QDPR: variants seen among roughly 807,000 people sequenced by gnomAD.
QDPR encodes dihydropteridine reductase.
In QDPR, 23 loss-of-function variants were observed where a neutral mutation model predicts 31.7. That is an observed-to-expected ratio of 0.73 (90% CI 0.52 to 1.03). QDPR has a LOEUF of 1.03. Among genes scored for constraint, QDPR ranks in the 50% least tolerant of loss-of-function variants. The pLI is 0.00. For synonymous variants in QDPR, 124 were observed against 124.7 expected (o/e 0.99, Z 0.03); for missense variants, 324 against 323.8 (o/e 1.00, Z 0.00).
At chr4:17,490,538 CAG>C in intron 6 of QDPR, 122 bp downstream of exon 6, 1 of 759,092 alleles carries the variant, frequency 1.3e-6, no homozygotes, top group Non-Finnish European at 2.3e-6. Context: ...CTCAGAGTCC[CAG>C]AGACCTCCCA....
intron 5 of QDPR, among the ~76,000 whole-genome samples, chr4:17,491,295 G>A (rs2108987079): frequency 6.6e-6 from 1 of 152,260 alleles, no homozygotes; most frequent in Middle Eastern, 3.4e-3. Flanking sequence ...AAACAGCTGT[G>A]GGAATCATGT....
Position 17,504,485 on chromosome 4 carries a change from A to C in QDPR, c.199-10T>G, listed in dbSNP as rs200393206. On this transcript the variant is annotated splice_polypyrimidine_tract_variant and intron_variant, in intron 2 of 6. Transcript: ENST00000281243. The stretch of plus-strand genomic sequence containing the variant: ...CAACCTCAGCAGTCACCTTCAACAC[A>C]AGAACAAAAAAATGTATAAACTGTA... The C allele has an allele frequency of 3.2e-5, 51 of 1,605,924 alleles. No individual in the cohort carries two copies. In the South Asian group the frequency reaches 4.4e-4, roughly 14 times the overall value.
Position 17,509,383 on chromosome 4 carries a change from T to C in QDPR, c.106-20A>G. 1 of 1,605,072 alleles carries C rather than the reference T, an allele frequency of 6.2e-7. No individual in the cohort carries two copies. The highest frequency in any genetic ancestry group is 1.3e-5 in the African/African-American group (1 of 74,772). ...AACCCACTGGAAGGAGAAAACAGCT[T>C]TGGTTAAGAGGCAGTGAGTTGTTAT... On this transcript the variant is annotated intron_variant, in intron 1 of 6. Transcript: ENST00000281243.
chr4:17,495,153 G>A (rs1454515602), intron 4 of QDPR, among the ~76,000 whole-genome samples: 1 of 152,192 alleles, frequency 6.6e-6, no homozygotes, highest in African/African-American at 2.4e-5. Flanking sequence ...CCCATCCGGG[G>A]CATTTCCTTC....
In QDPR at chr4:17,512,045, C is replaced by G. The variant is rs1255644701; in HGVS notation, c.10G>C (p.Ala4Pro). Residue 4 changes from alanine to proline, a missense_variant, in exon 1 of 7, where the codon GCG becomes CCG. Physicochemically the swap from Ala to Pro is conservative, Grantham distance 27. Transcript: ENST00000281243. ...CGGCGCGCCTCGCCTGCAGCCGCCGCCGCCGCCATCCTGCTCCTGCCAGCC... is the reference window on the plus strand; with the variant it reads ...CGGCGCGCCTCGCCTGCAGCCGCCGGCGCCGCCATCCTGCTCCTGCCAGCC... MAA[A>P]AAAGEARRVL... The G allele has an allele frequency of 6.2e-7, 1 of 1,601,650 alleles. No homozygotes were observed. Among genetic ancestry groups the G allele is most frequent in the East Asian group, 2.3e-5 (1 of 44,260 alleles).
chr4:17,490,743 AC>A lies in QDPR; in HGVS notation c.547del (p.Val183LeufsTer7). The A allele has an allele frequency of 6.2e-7, 1 of 1,613,024 alleles. No individual in the cohort carries two copies. The highest frequency in any genetic ancestry group is 1.1e-5 in the South Asian group (1 of 91,000). The stretch of plus-strand genomic sequence containing the variant: ...CCTGTTCATCGGGGTATCCAGGGTA[AC>A]CCTGCAATGGACACAGATAAGCACG... The part of the protein sequence containing the change: ...PGAAAIAVLP[V>X]TLDTPMNRKS... On this transcript the variant is annotated frameshift_variant and splice_region_variant, in exon 6 of 7. Coordinates refer to ENST00000281243, the MANE Select transcript of QDPR (RefSeq NM_000320.3). LOFTEE classifies it high-confidence loss of function.
intron 4 of QDPR, among the ~76,000 whole-genome samples, chr4:17,496,470 A>AAAAAAAAAAAAAAAAAAC (rs1718361645): frequency 7.1e-6 from 1 of 140,968 alleles, no homozygotes; most frequent in Non-Finnish European, 1.6e-5. Context: ...AAAAAAAAAA[A>AAAAAAAAAAAAAAAAAAC]AAGAACAAAC....
intron 2 of QDPR, among the ~76,000 whole-genome samples, chr4:17,506,560 G>C (rs1718794779): frequency 6.6e-6 from 1 of 152,184 alleles, no homozygotes; most frequent in Non-Finnish European, 1.5e-5. Context: ...CCTTTTATCT[G>C]TTTGACCTTG....
At chr4:17,495,542 A>G (rs1189955058) in intron 4 of QDPR, among the ~76,000 whole-genome samples, 1 of 152,192 alleles carries the variant, frequency 6.6e-6, no homozygotes, top group African/African-American at 2.4e-5. Flanking sequence ...TCCCTGCTAA[A>G]TGGGATCCAA....
At chr4:17,502,729 T>C (rs1389146969) in intron 3 of QDPR, among the ~76,000 whole-genome samples, 2 of 152,180 alleles carry the variant, frequency 1.3e-5, no homozygotes, top group African/African-American at 2.4e-5. Flanking sequence ...GATGACAGAA[T>C]TAGAAAACTA....
chr4:17,509,153 G>A (rs1004868410), intron 2 of QDPR, 118 bp downstream of exon 2: 26 of 839,796 alleles, frequency 3.1e-5, no homozygotes, highest in South Asian at 1.1e-4. Flanking sequence ...GCAAGACTCC[G>A]TCTCGGGGAA....
At position 17,511,948 on chromosome 4, in the gene QDPR, A is replaced by T. The variant is rs1254995369; in HGVS notation, c.105+2T>A. ...CCCAGCAGCCCCAGCCCGCAGCATT[A>T]CCCAGTTGCGGGCCCGAAAAGCCTG... is the stretch of plus-strand genomic sequence containing the variant. On this transcript the variant is annotated splice_donor_variant, in intron 1 of 6. Coordinates refer to ENST00000281243, the MANE Select transcript of QDPR (RefSeq NM_000320.3). LOFTEE classifies it high-confidence loss of function. 6 of 1,608,904 alleles carry T rather than the reference A, an allele frequency of 3.7e-6. No individual in the cohort carries two copies. The highest frequency in any genetic ancestry group is 5.1e-6 in the Non-Finnish European group (6 of 1,178,420).
intron 4 of QDPR, among the ~76,000 whole-genome samples, chr4:17,493,345 G>C (rs1718235366): frequency 6.6e-6 from 1 of 152,122 alleles, no homozygotes; most frequent in African/African-American, 2.4e-5. Context: ...TGAGGTGGGA[G>C]GTTCACTTGA....
At chr4:17,499,893 G>T (rs1370142251) in intron 4 of QDPR, among the ~76,000 whole-genome samples, 1 of 152,090 alleles carries the variant, frequency 6.6e-6, no homozygotes, top group Non-Finnish European at 1.5e-5. Flanking sequence ...ATTCCAGCCT[G>T]GGTGAGACCC....
intron 4 of QDPR, among the ~76,000 whole-genome samples, chr4:17,493,415 T>G (rs1718239724): frequency 6.6e-6 from 1 of 152,026 alleles, no homozygotes; most frequent in Admixed American, 6.6e-5. Flanking sequence ...CCCGTCTGAT[T>G]TAAGGGCTCA....
intron 2 of QDPR, among the ~76,000 whole-genome samples, chr4:17,507,195 A>G (rs1034814580): frequency 1.3e-5 from 2 of 152,200 alleles, no homozygotes; most frequent in Non-Finnish European, 2.9e-5. Context: ...TGAACTTATT[A>G]AAGTTCGTAT....
At position 17,509,303 on chromosome 4, in the gene QDPR, T is replaced by A. The variant is rs756112758; in HGVS notation, c.166A>T (p.Met56Leu). The A allele has an allele frequency of 6.2e-7, 1 of 1,614,144 alleles. No individual in the cohort carries two copies. The highest frequency in any genetic ancestry group is 8.5e-7 in the Non-Finnish European group (1 of 1,179,988). The change falls in exon 2 of 7, where the codon ATG (methionine) becomes TTG (leucine). Residue 56 changes from methionine to leucine, a missense_variant. Transcript: ENST00000281243. ...GCCTGCTCAGTGAACGAGTCTGTCA[T>A]TTTAACAATGATGCTAGCGCTGGCC... is the stretch of plus-strand genomic sequence containing the variant. Reference protein sequence around the residue: ...EEASASIIVKMTDSFTEQADQ... With the variant: ...EEASASIIVKLTDSFTEQADQ...
chr4:17,506,284 C>T (rs1046770962), intron 2 of QDPR, among the ~76,000 whole-genome samples: 6 of 152,052 alleles, frequency 3.9e-5, no homozygotes, highest in African/African-American at 1.5e-4. Flanking sequence ...TGTGTGCCAC[C>T]ACATTCAGCT....
At chr4:17,509,028 G>A (rs1381993108) in intron 2 of QDPR, among the ~76,000 whole-genome samples, 1 of 151,986 alleles carries the variant, frequency 6.6e-6, no homozygotes, top group African/African-American at 2.4e-5. Context: ...GGTGGTGGCA[G>A]GCACCTGTAA....
Sources: allele counts gnomAD v4.1 joint callset (sites outside exome capture counted in the v4.1 genomes callset), GRCh38; gene constraint gnomAD v4.1.1; transcripts MANE v1.5; gene names NCBI Gene and HGNC (gene_info 2026-07-23, HGNC 2026-07-21).